Variants in ANTXR1 observed in about 807,000 individuals in gnomAD.
ANTXR1 encodes the protein anthrax toxin receptor 1.
ANTXR1 carries 19 observed loss-of-function variants against 78.1 expected under a neutral mutation model. That is an observed-to-expected ratio of 0.24 (90% confidence interval 0.17 to 0.36). The LOEUF is 0.36. ANTXR1 is among the 10% of genes least tolerant of loss of function. ANTXR1 has a pLI of 1.00. For missense variants in ANTXR1, 518 were observed against 718.6 expected (o/e 0.72, Z 3.19); for synonymous variants, 273 against 260.5 (o/e 1.05, Z -0.46).
intron 14 of ANTXR1, among the ~76,000 whole-genome samples, chr2:69,178,612 C>G (rs1255440378): frequency 6.6e-6 from 1 of 152,054 alleles, no homozygotes; most frequent in African/African-American, 2.4e-5. Flanking sequence ...GAGAACTGCC[C>G]CCGTGTGCAA....
At chr2:69,028,711 G>A (rs1671431184) in intron 1 of ANTXR1, among the ~76,000 whole-genome samples, 1 of 152,126 alleles carries the variant, frequency 6.6e-6, no homozygotes, top group East Asian at 1.9e-4. Flanking sequence ...ACATAATATT[G>A]CATCAACAGA....
intron 17 of ANTXR1, among the ~76,000 whole-genome samples, chr2:69,221,263 A>T (rs1675312126): frequency 6.6e-6 from 1 of 152,238 alleles, no homozygotes; most frequent in Admixed American, 6.5e-5. Context: ...AATACCTTTC[A>T]AAGAGTATCT....
chr2:69,116,795 T>C, intron 10 of ANTXR1, among the ~76,000 whole-genome samples: 1 of 152,238 alleles, frequency 6.6e-6, no homozygotes, highest in African/African-American at 2.4e-5. Context: ...TAAATATTTA[T>C]AACAAGAAAA....
At chr2:69,220,121 C>T (rs1312655280) in intron 17 of ANTXR1, among the ~76,000 whole-genome samples, 1 of 152,140 alleles carries the variant, frequency 6.6e-6, no homozygotes, top group East Asian at 1.9e-4. Flanking sequence ...GATGGTTCCA[C>T]CTACTCAAAA....
At chr2:69,060,633 C>T (rs1474873113) in intron 3 of ANTXR1, among the ~76,000 whole-genome samples, 1 of 152,134 alleles carries the variant, frequency 6.6e-6, no homozygotes, top group Non-Finnish European at 1.5e-5. Context: ...GAGAAGAGAG[C>T]ATTGCTTAAA....
intron 12 of ANTXR1, among the ~76,000 whole-genome samples, chr2:69,133,581 A>G (rs1234867770): frequency 6.6e-6 from 1 of 152,200 alleles, no homozygotes; most frequent in Non-Finnish European, 1.5e-5. Flanking sequence ...TGTATGCTTT[A>G]AGTATATTAG....
chr2:69,116,847 C>T (rs1248939856), intron 10 of ANTXR1, among the ~76,000 whole-genome samples: 3 of 152,170 alleles, frequency 2.0e-5, no homozygotes, highest in South Asian at 2.1e-4. Context: ...TTTAATCCAC[C>T]CTTATAAAAA....
intron 9 of ANTXR1, among the ~76,000 whole-genome samples, chr2:69,094,833 C>T (rs559908635): frequency 2.0e-5 from 3 of 152,328 alleles, no homozygotes; most frequent in Admixed American, 1.3e-4. Context: ...AAATATAAAG[C>T]GTTGAACTTG....
At chr2:69,168,870 G>A (rs1673901122) in intron 13 of ANTXR1, among the ~76,000 whole-genome samples, 1 of 152,228 alleles carries the variant, frequency 6.6e-6, no homozygotes, top group African/African-American at 2.4e-5. Context: ...TGAAATGAGA[G>A]TTTGAAACCC....
At chr2:69,138,836 CTG>C (rs980613351) in intron 12 of ANTXR1, among the ~76,000 whole-genome samples, 16 of 152,296 alleles carry the variant, frequency 1.1e-4, no homozygotes, top group African/African-American at 3.4e-4. Context: ...ATCAGGAAAA[CTG>C]TTTCATTTGC....
At chr2:69,097,695 A>G (rs1331971566) in intron 9 of ANTXR1, among the ~76,000 whole-genome samples, 1 of 152,226 alleles carries the variant, frequency 6.6e-6, no homozygotes, top group Non-Finnish European at 1.5e-5. Context: ...AAAATTAAAT[A>G]TACACCTACC....
At chr2:69,236,132 G>T (rs1218602453) in intron 17 of ANTXR1, among the ~76,000 whole-genome samples, 5 of 152,104 alleles carry the variant, frequency 3.3e-5, no homozygotes, top group Admixed American at 3.3e-4. Context: ...GATGAGATTT[G>T]GGTGGGGACA....
intron 17 of ANTXR1, among the ~76,000 whole-genome samples, chr2:69,212,819 CT>C (rs34223391): frequency 5.3e-5 from 8 of 151,834 alleles, no homozygotes; most frequent in Non-Finnish European, 1.0e-4. Flanking sequence ...GCCTAGCTAA[CT>C]TTTTTTAACA....
rs527270085 is a variant in ANTXR1, at chr2:69,090,600, C to A, written c.643-259C>A. On this transcript the variant is annotated intron_variant, in intron 8 of 17. Transcript: ENST00000303714. ...AAAACTAGGACTGGCATAGCATAGGCTCAGTAAATACCTGCCAAAAGAGCA... is the reference window on the plus strand; with the variant it reads ...AAAACTAGGACTGGCATAGCATAGGATCAGTAAATACCTGCCAAAAGAGCA... 34 of 544,028 alleles carry A rather than the reference C, an allele frequency of 6.2e-5. No homozygotes were observed. In the South Asian group the frequency reaches 6.7e-4, roughly 11 times the overall value. 33.7% of individuals were successfully genotyped at this position (544,028 alleles called of 1,614,324 possible).
chr2:69,217,767 C>T (rs1367509341), intron 17 of ANTXR1, among the ~76,000 whole-genome samples: 1 of 151,070 alleles, frequency 6.6e-6, no homozygotes, highest in Non-Finnish European at 1.5e-5. Context: ...GGGGACTATT[C>T]ATAGGTACCC....
chr2:69,173,178 G>A (rs1302855096), intron 14 of ANTXR1, among the ~76,000 whole-genome samples: 3 of 152,190 alleles, frequency 2.0e-5, no homozygotes, highest in African/African-American at 4.8e-5. Flanking sequence ...ATGGGCTTTC[G>A]ATTTCACTGC....
At chr2:69,174,610 G>T (rs1465569925) in intron 14 of ANTXR1, among the ~76,000 whole-genome samples, 1 of 151,892 alleles carries the variant, frequency 6.6e-6, no homozygotes, top group East Asian at 1.9e-4. Flanking sequence ...GGGCGACAGA[G>T]CAAGACTCTA....
intron 12 of ANTXR1, among the ~76,000 whole-genome samples, chr2:69,133,897 C>G (rs1453967168): frequency 6.6e-6 from 1 of 152,134 alleles, no homozygotes; most frequent in African/African-American, 2.4e-5. Flanking sequence ...ATCAATGTGG[C>G]TAAAATCATG....
intron 12 of ANTXR1, among the ~76,000 whole-genome samples, chr2:69,134,114 G>T (rs1225756296): frequency 2.0e-5 from 3 of 152,120 alleles, no homozygotes; most frequent in African/African-American, 7.2e-5. Flanking sequence ...AACTAAGGAG[G>T]TGATGGGACC....
Sources: allele counts gnomAD v4.1 joint callset (sites outside exome capture counted in the v4.1 genomes callset), GRCh38; gene constraint gnomAD v4.1.1; transcripts MANE v1.5; gene names NCBI Gene and HGNC (gene_info 2026-07-23, HGNC 2026-07-21).